The following DCAF10 variants were observed in gnomAD, a reference collection of about 807,000 sequenced individuals.
DCAF10 encodes DDB1- and CUL4-associated factor 10.
DCAF10 carries 19 observed loss-of-function variants against 51.9 expected under a neutral mutation model. The ratio of observed to expected loss-of-function variants is 0.37; its 90% CI spans 0.26 to 0.54. The LOEUF is 0.54. Ranked by LOEUF, DCAF10 falls within the 20% of genes least tolerant of loss-of-function variation. The pLI, the probability that DCAF10 is intolerant of heterozygous loss-of-function variation, is 0.87. For synonymous variants in DCAF10, 291 were observed against 297.1 expected, an observed-to-expected ratio of 0.98 and a Z score of 0.21; for missense variants, 510 against 730.6, an observed-to-expected ratio of 0.70 and a Z score of 3.48.
intron 1 of DCAF10, among the ~76,000 whole-genome samples, chr9:37,809,628 G>T (rs1034047663): frequency 1.3e-5 from 2 of 152,132 alleles, no homozygotes; most frequent in African/African-American, 2.4e-5. Context: ...GAGGTCAGGA[G>T]TTCGAGACCA....
chr9:37,812,624 A>G (rs1454130598), intron 1 of DCAF10, among the ~76,000 whole-genome samples: 1 of 152,196 alleles, frequency 6.6e-6, no homozygotes, highest in Non-Finnish European at 1.5e-5. Flanking sequence ...GTAAATCAAA[A>G]TGAATGTGAA....
At chr9:37,815,881 C>A (rs1258876790) in intron 1 of DCAF10, among the ~76,000 whole-genome samples, 1 of 151,632 alleles carries the variant, frequency 6.6e-6, no homozygotes, top group Non-Finnish European at 1.5e-5. Flanking sequence ...ACAGCCTCAA[C>A]CTCCCTGACT....
Position 37,829,782 on chromosome 9 carries a change from C to A in DCAF10, c.653+10381C>A, listed in dbSNP as rs1439064808. ...AGCATTTTGGGAGGCTGAGGTGGGA[C>A]AATCACTGGAGGGCAGGAGTTCAAG... On this transcript the variant is annotated intron_variant, in intron 2 of 6. Transcript: ENST00000377724. This position sits in a 1 kb window ranked among gnomAD's most constrained non-coding sequence, Gnocchi z 4.2. 6.6e-6 allele frequency among the ~76,000 whole-genome samples: 1 copy of A among 151,942 alleles called. No homozygotes were observed. The highest frequency in any genetic ancestry group is 1.9e-4 in the East Asian group (1 of 5,186).
intron 1 of DCAF10, among the ~76,000 whole-genome samples, chr9:37,804,505 G>A (rs1044583291): frequency 6.6e-6 from 1 of 152,112 alleles, no homozygotes; most frequent in African/African-American, 2.4e-5. Context: ...GGCCGGGTAC[G>A]GTGGCTCACG....
At chr9:37,826,346 A>C (rs1348938741) in intron 2 of DCAF10, among the ~76,000 whole-genome samples, 1 of 152,212 alleles carries the variant, frequency 6.6e-6, no homozygotes, top group East Asian at 1.9e-4. Flanking sequence ...ACAAAATGGC[A>C]CTTTACATCT....
chr9:37,856,007 C>T (rs1044724467), intron 4 of DCAF10, among the ~76,000 whole-genome samples: 1 of 152,028 alleles, frequency 6.6e-6, no homozygotes, highest in Admixed American at 6.6e-5. Flanking sequence ...AAAAATTAGC[C>T]AGATATGCTA....
intron 3 of DCAF10, among the ~76,000 whole-genome samples, chr9:37,850,818 GATATATTTT>G (rs1830608949): frequency 3.5e-5 from 3 of 86,052 alleles, no homozygotes; most frequent in Admixed American, 1.6e-4. Context: ...AGTATGTGAG[GATATATTTT>G]ATATATATAT....
chr9:37,828,426 A>G (rs1829915367), intron 2 of DCAF10, among the ~76,000 whole-genome samples: 1 of 152,086 alleles, frequency 6.6e-6, no homozygotes, highest in Non-Finnish European at 1.5e-5. Flanking sequence ...CCTGAGCAAA[A>G]TAGCAAGACC....
intron 3 of DCAF10, among the ~76,000 whole-genome samples, chr9:37,850,734 C>T (rs574117208): frequency 5.0e-4 from 74 of 149,334 alleles, no homozygotes; most frequent in African/African-American, 1.7e-3. Flanking sequence ...CTGTTAATGA[C>T]AATTTACTGT....
rs375258472 is a variant in DCAF10, at chr9:37,824,454, A to G, written c.653+5053A>G. ...AAAAAAACTGAAAAGATTTAACTAAAATAATGGAAATACAAACCATTATAG... is the reference window on the plus strand; with the variant it reads ...AAAAAAACTGAAAAGATTTAACTAAGATAATGGAAATACAAACCATTATAG... On this transcript the variant is annotated intron_variant, in intron 2 of 6. Coordinates refer to ENST00000377724, the MANE Select transcript of DCAF10 (RefSeq NM_024345.5). Among the ~76,000 whole-genome samples the G allele has an allele frequency of 4.6e-5, 7 of 152,210 alleles. 1 individual carries two copies. Among genetic ancestry groups the G allele is most frequent in the African/African-American group, 1.7e-4 (7 of 41,436 alleles).
At chr9:37,822,396 G>T in intron 2 of DCAF10, among the ~76,000 whole-genome samples, 1 of 116,890 alleles carries the variant, frequency 8.6e-6, no homozygotes, top group East Asian at 2.5e-4. Context: ...AATGGATAAA[G>T]AAACTGTGAT....
chr9:37,802,735 A>C (rs1280290906), intron 1 of DCAF10, among the ~76,000 whole-genome samples: 1 of 152,224 alleles, frequency 6.6e-6, no homozygotes, highest in Non-Finnish European at 1.5e-5. Context: ...TGGTTGGAGC[A>C]TGTAGCAGTG....
At chr9:37,804,730 C>G (rs368340217) in intron 1 of DCAF10, among the ~76,000 whole-genome samples, 1 of 151,442 alleles carries the variant, frequency 6.6e-6, no homozygotes, top group Non-Finnish European at 1.5e-5. Flanking sequence ...GAGCCAAGAC[C>G]GTACCACTGC....
In DCAF10 at chr9:37,865,391, A is replaced by G. The variant is rs937429646; in HGVS notation, c.*3883A>G. 1.3e-5 allele frequency: 2 copies of G among 152,232 alleles called. No individual in the cohort carries two copies. The highest frequency in any genetic ancestry group is 1.9e-4 in the East Asian group (1 of 5,196). 9.4% of individuals were successfully genotyped at this position (152,232 alleles called of 1,614,324 possible). ...CAAGGAATATTAATCAAGGAATTAA[A>G]GGGCATTAGGAATGCTATAGTATTG... On this transcript the variant is annotated 3_prime_UTR_variant, in exon 7 of 7. Transcript: ENST00000377724.
At chr9:37,854,595 G>A (rs757779029) in intron 3 of DCAF10, among the ~76,000 whole-genome samples, 185 bp from the exon 4 acceptor site, 21 of 152,082 alleles carry the variant, frequency 1.4e-4, no homozygotes, top group East Asian at 9.6e-4. Flanking sequence ...ACTATTAACC[G>A]TCATCACCCT....
rs1830205367 is a variant in DCAF10, at chr9:37,837,524, T to G, written c.654-4565T>G. ...AGGTAAATATTTTTCTTTACTAAGCTTCTCATTGATAAGCCCTCTTTCTTT... is the reference window on the plus strand; with the variant it reads ...AGGTAAATATTTTTCTTTACTAAGCGTCTCATTGATAAGCCCTCTTTCTTT... On this transcript the variant is annotated intron_variant, in intron 2 of 6. Coordinates refer to ENST00000377724, the MANE Select transcript of DCAF10 (RefSeq NM_024345.5). 3.3e-5 allele frequency among the ~76,000 whole-genome samples: 5 copies of G among 152,108 alleles called. No homozygotes were observed. In the South Asian group the frequency reaches 1.0e-3, roughly 32 times the overall value.
In DCAF10 at chr9:37,820,759, CA is replaced by C. The variant is rs372828812; in HGVS notation, c.653+1362del. ...AGAGAAATTAAAAACCTTTTCTATT[CA>C]AAAGAAACCTATAACCCAAATTCTA... On this transcript the variant is annotated intron_variant, in intron 2 of 6. Coordinates refer to ENST00000377724, the MANE Select transcript of DCAF10 (RefSeq NM_024345.5). Among the ~76,000 whole-genome samples, 427 of 152,114 alleles carry C rather than the reference CA, an allele frequency of 2.8e-3. 3 individuals are homozygous for C. Among genetic ancestry groups the C allele is most frequent in the African/African-American group, 9.8e-3 (405 of 41,492 alleles).
chr9:37,816,659 G>GGGGGGGTGTGTGTGTGTGTGTGTGT (rs372664140), intron 1 of DCAF10, among the ~76,000 whole-genome samples: 24 of 144,888 alleles, frequency 1.7e-4, no homozygotes, highest in Non-Finnish European at 2.4e-4. Context: ...CTGCACCTGG[G>GGGGGGGTGTGTGTGTGTGTGTGTGT]GTGTGTGTGT....
intron 1 of DCAF10, among the ~76,000 whole-genome samples, chr9:37,813,694 C>A (rs2119038717): frequency 6.6e-6 from 1 of 152,294 alleles, no homozygotes; most frequent in South Asian, 2.1e-4. Flanking sequence ...CAAATTCATA[C>A]AATTTCCAAG....
Sources: gnomAD v4.1 joint callset for allele counts (sites outside exome capture counted in the v4.1 genomes callset) on GRCh38, gnomAD v4.1.1 for gene constraint, Gnocchi (gnomAD v3.1) non-coding constraint, MANE v1.5 for transcripts, NCBI Gene and HGNC (gene_info 2026-07-23, HGNC 2026-07-21) for gene names.